The following PCDHA5 variants were observed in gnomAD, a reference collection of about 807,000 sequenced individuals.
PCDHA5 encodes protocadherin alpha 5.
A neutral mutation model predicts 61.6 loss-of-function variants in PCDHA5; 43 were observed. That is an observed-to-expected ratio of 0.70 (90% CI 0.55 to 0.90). The LOEUF is 0.90. Among genes scored for constraint, PCDHA5 ranks in the 40% least tolerant of loss-of-function variants. The probability of loss-of-function intolerance (pLI) is 0.00; values close to 1 mark genes in which losing one functional copy is unlikely to be tolerated. For synonymous variants in PCDHA5, 627 were observed against 543.9 expected (o/e 1.15, Z -2.13); for missense variants, 1,298 against 1,222.7 (o/e 1.06, Z -0.92).
intron 1 of PCDHA5, among the ~76,000 whole-genome samples, chr5:140,908,378 C>T (rs951348145): frequency 2.6e-5 from 4 of 152,126 alleles, no homozygotes; most frequent in Admixed American, 6.6e-5. Context: ...AGGACCTGCT[C>T]GAGCCCGATC....
At chr5:140,869,628 T>A (rs1562631338) in intron 1 of PCDHA5, 1 of 1,613,700 alleles carries the variant, frequency 6.2e-7, no homozygotes. Flanking sequence ...TAAGTAAAAA[T>A]GAGTATTTTT....
intron 1 of PCDHA5, chr5:140,969,476 A>G: frequency 6.8e-7 from 1 of 1,473,576 alleles, no homozygotes; most frequent in Non-Finnish European, 9.0e-7. Context: ...CAATTTGATC[A>G]TAATCTGCTA....
chr5:140,891,056 T>C (rs2062933451), intron 1 of PCDHA5, among the ~76,000 whole-genome samples: 1 of 152,196 alleles, frequency 6.6e-6, no homozygotes, highest in Non-Finnish European at 1.5e-5. Context: ...CAGCACATAG[T>C]AAATATTATT....
intron 1 of PCDHA5, chr5:140,848,328 G>C (rs1554142059): frequency 1.2e-6 from 1 of 817,064 alleles, no homozygotes; most frequent in African/African-American, 1.7e-5. Context: ...TGTTCTCTCT[G>C]AATCCAGACA....
At position 140,909,867 on chromosome 5, in the gene PCDHA5, C is replaced by T. The variant is rs544055697; in HGVS notation, c.2353-69082C>T. Among the ~76,000 whole-genome samples the T allele has an allele frequency of 2.8e-4, 43 of 152,282 alleles. 1 individual carries two copies. The highest frequency in any genetic ancestry group is 4.9e-4 in the Non-Finnish European group (33 of 68,020). On this transcript the variant is annotated intron_variant, in intron 1 of 3. Coordinates refer to ENST00000529859, the MANE Select transcript of PCDHA5 (RefSeq NM_018908.3). ...GACGTTTTCGGTCCCCTGGAGTCAA[C>T]GTCAGCTTAGAGACACTGTTCAGTA...
intron 1 of PCDHA5, chr5:140,865,687 A>G (rs924237080): frequency 3.3e-5 from 5 of 152,204 alleles, no homozygotes; most frequent in African/African-American, 1.2e-4. Flanking sequence ...AGTACATATG[A>G]CTGTTCCAAT....
rs2150334321 is a variant in PCDHA5, at chr5:140,842,332, A to G, written c.2352+18205A>G. ...CCATGGCGGGTCATTGCACCGTTTT[A>G]GTGAGAATTTTGGATAAAAATGATA... On this transcript the variant is annotated intron_variant, in intron 1 of 3. Transcript: ENST00000529859. 1.7e-5 allele frequency: 28 copies of G among 1,607,160 alleles called. No homozygotes were observed. In the East Asian group the frequency reaches 4.0e-4, roughly 23 times the overall value.
intron 1 of PCDHA5, chr5:140,835,865 G>C: frequency 1.2e-6 from 2 of 1,612,146 alleles, no homozygotes; most frequent in Non-Finnish European, 8.5e-7. Flanking sequence ...CCTACTCGCT[G>C]GTGGAGCTGC....
Position 140,982,348 on chromosome 5 carries a change from T to C in PCDHA5, c.2412-127T>C, listed in dbSNP as rs1253085859. 9 of 1,495,962 alleles carry C rather than the reference T, an allele frequency of 6.0e-6. No homozygotes were observed. The Admixed American group carries it at 1.7e-4, about 28-fold the overall frequency. 92.7% of individuals were successfully genotyped at this position (1,495,962 alleles called of 1,614,324 possible). On this transcript the variant is annotated intron_variant, in intron 2 of 3. Transcript: ENST00000529859. Reference sequence around the variant, plus strand: ...ACTGCTCAGCAGTAATTGCTTCAGTTCAAGCATGAGCAGAATGTGTTAGCT... The same window carrying C: ...ACTGCTCAGCAGTAATTGCTTCAGTCCAAGCATGAGCAGAATGTGTTAGCT...
At chr5:140,892,480 CA>C (rs1484176083) in intron 1 of PCDHA5, among the ~76,000 whole-genome samples, 14 of 152,110 alleles carry the variant, frequency 9.2e-5, no homozygotes, top group Non-Finnish European at 1.8e-4. Context: ...GTTTCCTAGC[CA>C]AACATGAGAG....
intron 1 of PCDHA5, among the ~76,000 whole-genome samples, chr5:140,844,934 G>A (rs1554140786): frequency 6.7e-6 from 1 of 149,226 alleles, no homozygotes; most frequent in Admixed American, 6.7e-5. Context: ...GGGAATGAAC[G>A]ATTTCTGGGA....
At chr5:140,868,966 A>G (rs2050768695) in intron 1 of PCDHA5, 1 of 1,433,890 alleles carries the variant, frequency 7.0e-7, no homozygotes, top group Non-Finnish European at 9.3e-7. Flanking sequence ...CATACAAAGG[A>G]ACTCCATCAT....
chr5:140,966,900 G>T, intron 1 of PCDHA5: 1 of 1,598,802 alleles, frequency 6.3e-7, no homozygotes, highest in Non-Finnish European at 8.5e-7. Context: ...TCCCAGCTGC[G>T]ATACTCTGTG....
intron 1 of PCDHA5, chr5:140,825,249 A>G (rs1212475571): frequency 6.6e-5 from 10 of 151,408 alleles, no homozygotes; most frequent in African/African-American, 2.4e-4. Context: ...ATGGTGTTCC[A>G]TTGTGTAGGT....
intron 1 of PCDHA5, among the ~76,000 whole-genome samples, chr5:140,920,083 G>A (rs536573725): frequency 3.3e-5 from 5 of 152,260 alleles, no homozygotes; most frequent in East Asian, 1.9e-4. Flanking sequence ...CAGATTCTCC[G>A]TAGAGCCTCT....
At chr5:140,900,429 C>A (rs1202126306) in intron 1 of PCDHA5, among the ~76,000 whole-genome samples, 1 of 152,174 alleles carries the variant, frequency 6.6e-6, no homozygotes, top group East Asian at 1.9e-4. Context: ...AGGCACGTGC[C>A]ACCACGGCCG....
At chr5:140,858,132 A>G (rs781998170) in intron 1 of PCDHA5, 3 of 1,597,528 alleles carry the variant, frequency 1.9e-6, no homozygotes, top group Non-Finnish European at 2.6e-6. Context: ...GTGGATGTCA[A>G]CGTGTACCTG....
chr5:140,876,931 A>G lies in PCDHA5; in HGVS notation c.2352+52804A>G, dbSNP rs377563074. The stretch of plus-strand genomic sequence containing the variant: ...GGCATGGGACGCGGACGCGCAGAAG[A>G]ACGCGCTGGTGTCCTACTCGCTGGT... On this transcript the variant is annotated intron_variant, in intron 1 of 3. Coordinates refer to ENST00000529859, the MANE Select transcript of PCDHA5 (RefSeq NM_018908.3). 8 of 1,613,668 alleles carry G rather than the reference A, an allele frequency of 5.0e-6. No individual in the cohort carries two copies. In the African/African-American group the frequency reaches 1.1e-4, roughly 22 times the overall value.
At chr5:140,983,461 A>G (rs1291305158) in intron 3 of PCDHA5, among the ~76,000 whole-genome samples, 1 of 152,238 alleles carries the variant, frequency 6.6e-6, no homozygotes, top group Non-Finnish European at 1.5e-5. Flanking sequence ...TTAATAGAAC[A>G]TCATGATGAT....
Sources: allele counts gnomAD v4.1 joint callset (sites outside exome capture counted in the v4.1 genomes callset), GRCh38; gene constraint gnomAD v4.1.1; transcripts MANE v1.5; gene names NCBI Gene and HGNC (gene_info 2026-07-23, HGNC 2026-07-21).